The following CPA6 variants were observed in gnomAD, a reference collection of about 807,000 sequenced individuals.
CPA6 encodes the protein carboxypeptidase B.
Under a neutral mutation model 63.3 loss-of-function variants are expected in CPA6, and 58 were observed. The observed-to-expected ratio is 0.92, with a 90% CI of 0.74 to 1.14. The LOEUF is 1.14. CPA6 is among the 50% of genes most tolerant of loss of function. CPA6 has a pLI of 0.00. For synonymous variants in CPA6, 185 were observed against 179.0 expected (o/e 1.03, Z -0.27); for missense variants, 565 against 526.6 (o/e 1.07, Z -0.71).
intron 2 of CPA6, among the ~76,000 whole-genome samples, chr8:67,608,581 G>C (rs1460266941): frequency 6.6e-6 from 1 of 152,116 alleles, no homozygotes; most frequent in South Asian, 2.1e-4. Context: ...TGGATGCTGG[G>C]CAAGGACCCA....
chr8:67,611,041 T>A (rs188235681), intron 2 of CPA6, among the ~76,000 whole-genome samples: 1 of 152,206 alleles, frequency 6.6e-6, no homozygotes, highest in Admixed American at 6.5e-5. Flanking sequence ...AGAAGGATTT[T>A]ATATTATCCC....
intron 2 of CPA6, among the ~76,000 whole-genome samples, chr8:67,554,107 C>T (rs1027378954): frequency 5.3e-5 from 8 of 152,112 alleles, no homozygotes; most frequent in African/African-American, 1.2e-4. Context: ...TGAAAAAGGA[C>T]GTGTCTATTA....
chr8:67,600,282 C>A (rs538320507), intron 2 of CPA6, among the ~76,000 whole-genome samples: 4 of 148,276 alleles, frequency 2.7e-5, no homozygotes, highest in African/African-American at 9.9e-5. Flanking sequence ...ATACTGCATG[C>A]TCTCACTTAT....
At chr8:67,637,259 T>C (rs1439501678) in intron 1 of CPA6, among the ~76,000 whole-genome samples, 1 of 151,680 alleles carries the variant, frequency 6.6e-6, no homozygotes, top group Admixed American at 6.6e-5. Context: ...CTGAGTTGAA[T>C]TGAAATTGGC....
chr8:67,698,806 C>T (rs1816960833), intron 1 of CPA6, among the ~76,000 whole-genome samples: 1 of 152,184 alleles, frequency 6.6e-6, no homozygotes. Context: ...ACTATTTTAA[C>T]TAACTGATAT....
chr8:67,467,682 G>T (rs1810957707), intron 8 of CPA6, among the ~76,000 whole-genome samples: 2 of 152,000 alleles, frequency 1.3e-5, no homozygotes, highest in South Asian at 4.2e-4. Flanking sequence ...GATACTCAAG[G>T]ATCAGTTGTT....
intron 2 of CPA6, among the ~76,000 whole-genome samples, chr8:67,608,075 G>A (rs1175560973): frequency 1.3e-5 from 2 of 152,192 alleles, no homozygotes; most frequent in East Asian, 3.9e-4. Flanking sequence ...GAAGAGGAAG[G>A]AAGGAATGGA....
rs187829171 is a variant in CPA6 at position 67,557,817 on chromosome 8, G to A, written c.193-39770C>T. Among the ~76,000 whole-genome samples the A allele has an allele frequency of 2.0e-5, 3 of 152,320 alleles. No individual in the cohort carries two copies. In the East Asian group the frequency reaches 5.8e-4, roughly 29 times the overall value. On this transcript the variant is annotated intron_variant, in intron 2 of 10. Coordinates refer to ENST00000297770, the MANE Select transcript of CPA6 (RefSeq NM_020361.5). ...CACTAGTTGTACTAAATTTTCAGGA[G>A]AAACTAGCCTTCTAGTCAAAGTTAC... is the stretch of plus-strand genomic sequence containing the variant.
At position 67,579,582 on chromosome 8, in the gene CPA6, C is replaced by T. The variant is rs1158394228; in HGVS notation, c.192+44594G>A. On this transcript the variant is annotated intron_variant, in intron 2 of 10. Coordinates refer to ENST00000297770, the MANE Select transcript of CPA6 (RefSeq NM_020361.5). ...TAAAACCTACACTTAAACTTAATCC[C>T]GCAAATACAAATAATATGGGTCAAA... 4.6e-5 allele frequency among the ~76,000 whole-genome samples: 7 copies of T among 152,146 alleles called. No homozygotes were observed. In the South Asian group the frequency reaches 6.2e-4, roughly 14 times the overall value.
intron 1 of CPA6, among the ~76,000 whole-genome samples, chr8:67,738,434 A>T (rs1587741240): frequency 6.6e-6 from 1 of 152,224 alleles, no homozygotes; most frequent in Non-Finnish European, 1.5e-5. Flanking sequence ...GTTCTCTGTT[A>T]CCACTAACCA....
chr8:67,506,739 G>T, intron 6 of CPA6, 48 bp downstream of exon 6: 1 of 1,214,098 alleles, frequency 8.2e-7, no homozygotes, highest in Non-Finnish European at 1.2e-6. Flanking sequence ...AAAACACAGG[G>T]AAGCACTGAC....
chr8:67,566,377 A>G (rs1018844666), intron 2 of CPA6, among the ~76,000 whole-genome samples: 2 of 152,198 alleles, frequency 1.3e-5, no homozygotes, highest in African/African-American at 4.8e-5. Flanking sequence ...GTCAATGTCC[A>G]TATCTGACAG....
At chr8:67,591,974 G>A (rs377079459) in intron 2 of CPA6, among the ~76,000 whole-genome samples, 2 of 152,088 alleles carry the variant, frequency 1.3e-5, no homozygotes, top group African/African-American at 4.8e-5. Flanking sequence ...CAGTTTTCAA[G>A]GGGAATGCTT....
chr8:67,628,860 T>TA (rs1815253179), intron 1 of CPA6, among the ~76,000 whole-genome samples: 1 of 152,200 alleles, frequency 6.6e-6, no homozygotes. Context: ...CTCATGCCTG[T>TA]AATACCAGCA....
At chr8:67,694,483 G>A (rs1378298747) in intron 1 of CPA6, among the ~76,000 whole-genome samples, 2 of 152,188 alleles carry the variant, frequency 1.3e-5, no homozygotes, top group Non-Finnish European at 2.9e-5. Context: ...AAGCCGTAAA[G>A]TTTAGTGTGC....
intron 2 of CPA6, among the ~76,000 whole-genome samples, chr8:67,617,446 A>G (rs1814983238): frequency 6.6e-6 from 1 of 152,196 alleles, no homozygotes; most frequent in Non-Finnish European, 1.5e-5. Flanking sequence ...GGCAAAAGTC[A>G]GTGTTCTTTC....
intron 1 of CPA6, among the ~76,000 whole-genome samples, chr8:67,719,915 C>T (rs868436810): frequency 9.2e-5 from 14 of 152,086 alleles, no homozygotes; most frequent in African/African-American, 2.7e-4. Flanking sequence ...CATCCACATC[C>T]GTGTCCAGCA....
chr8:67,490,106 T>C (rs1811572545), intron 6 of CPA6, among the ~76,000 whole-genome samples: 1 of 152,206 alleles, frequency 6.6e-6, no homozygotes, highest in African/African-American at 2.4e-5. Flanking sequence ...TGTTAAATAC[T>C]GAACAGGACA....
chr8:67,458,622 C>A (rs1424901752), intron 8 of CPA6, among the ~76,000 whole-genome samples: 2 of 152,122 alleles, frequency 1.3e-5, no homozygotes, highest in African/African-American at 4.8e-5. Context: ...AGAAGACAGG[C>A]CACAGAATGG....
Sources: gnomAD v4.1 joint callset for allele counts (sites outside exome capture counted in the v4.1 genomes callset) on GRCh38, gnomAD v4.1.1 for gene constraint, MANE v1.5 for transcripts, NCBI Gene and HGNC (gene_info 2026-07-23, HGNC 2026-07-21) for gene names.